Variants in SCTR observed in about 807,000 individuals in gnomAD.
The protein encoded by SCTR is secretin receptor, also known as pancreatic secretin receptor.
A neutral mutation model predicts 60.8 loss-of-function variants in SCTR; 56 were observed. That is an observed-to-expected ratio of 0.92 (90% CI 0.74 to 1.15). The LOEUF (loss-of-function observed/expected upper bound fraction) is 1.15, where lower values mean the gene tolerates loss of function less well. Ranked by LOEUF, SCTR falls within the 50% of genes most tolerant of loss-of-function variation. SCTR has a pLI of 0.00. For synonymous variants in SCTR, 202 were observed against 217.0 expected, an observed-to-expected ratio of 0.93 and a Z score of 0.61; for missense variants, 562 against 550.4, an observed-to-expected ratio of 1.02 and a Z score of -0.21.
At chr2:119,443,654 C>A (rs1043619164) in intron 11 of SCTR, among the ~76,000 whole-genome samples, 1 of 152,106 alleles carries the variant, frequency 6.6e-6, no homozygotes, top group African/African-American at 2.4e-5. Flanking sequence ...TCAAGCAATT[C>A]TCTTGCCTCA....
At chr2:119,448,583 TACA>T (rs1683020795) in intron 10 of SCTR, 103 bp downstream of exon 10, 2 of 712,722 alleles carry the variant, frequency 2.8e-6, no homozygotes, top group Admixed American at 2.2e-5. Context: ...CGACTAGGTC[TACA>T]ACGTTTCCTC....
At chr2:119,511,070 G>A (rs1678915178) in intron 1 of SCTR, among the ~76,000 whole-genome samples, 1 of 152,054 alleles carries the variant, frequency 6.6e-6, no homozygotes, top group African/African-American at 2.4e-5. Context: ...AGGCGTGATG[G>A]CGAGCACCTG....
rs771379302 is a variant in SCTR, at chr2:119,494,551, G to C, written c.73-3C>G. ...CATAGTCGGGGAAGGGCTCCAGTCT[G>C]CAAGTCCAAAACCAGGGATGCTCAT... is the stretch of plus-strand genomic sequence containing the variant. On this transcript the variant is annotated splice_region_variant and splice_polypyrimidine_tract_variant and intron_variant, in intron 1 of 12. Coordinates refer to ENST00000019103, the MANE Select transcript of SCTR (RefSeq NM_002980.3). 2 of 1,613,422 alleles carry C rather than the reference G, an allele frequency of 1.2e-6. No individual in the cohort carries two copies. The highest frequency in any genetic ancestry group is 8.5e-7 in the Non-Finnish European group (1 of 1,179,646).
chr2:119,481,547 G>A (rs1677601204), intron 2 of SCTR, among the ~76,000 whole-genome samples: 1 of 152,214 alleles, frequency 6.6e-6, no homozygotes, highest in Non-Finnish European at 1.5e-5. Flanking sequence ...CCTCACAGCT[G>A]AGGGTTCCTC....
At chr2:119,460,488 G>A (rs1311865014) in intron 7 of SCTR, among the ~76,000 whole-genome samples, 1 of 152,034 alleles carries the variant, frequency 6.6e-6, no homozygotes, top group Admixed American at 6.6e-5. Flanking sequence ...GTTAATGGCA[G>A]GGTAAAAGTT....
chr2:119,507,015 CA>C (rs890854658), intron 1 of SCTR, among the ~76,000 whole-genome samples: 20 of 152,154 alleles, frequency 1.3e-4, no homozygotes, highest in African/African-American at 4.8e-4. Flanking sequence ...AGAAACTGGG[CA>C]AAAGTTACAA....
At position 119,464,105 on chromosome 2, in the gene SCTR, G is replaced by A. The variant is rs1218614610; in HGVS notation, c.636+18C>T. On this transcript the variant is annotated intron_variant, in intron 6 of 12. Transcript: ENST00000019103. ...GCAGGCGGGCCTGGCGACATCCTGG[G>A]GCACCCAGACATATTACCCTGTGGG... 1 of 1,613,654 alleles carries A rather than the reference G, an allele frequency of 6.2e-7. No homozygotes were observed. Among genetic ancestry groups the A allele is most frequent in the African/African-American group, 1.3e-5 (1 of 74,916 alleles).
intron 1 of SCTR, among the ~76,000 whole-genome samples, chr2:119,497,838 G>A (rs928237583): frequency 6.6e-6 from 1 of 152,100 alleles, no homozygotes; most frequent in African/African-American, 2.4e-5. Flanking sequence ...ACAACAGAGA[G>A]AAAATAAACT....
intron 3 of SCTR, 21 bp from the exon 4 acceptor site, chr2:119,473,577 G>A (rs767934345): frequency 6.6e-7 from 1 of 1,521,026 alleles, no homozygotes; most frequent in South Asian, 1.1e-5. Context: ...CAAGAGTCCT[G>A]TAGGTGAGCC....
At chr2:119,498,076 A>T (rs1293304940) in intron 1 of SCTR, among the ~76,000 whole-genome samples, 3 of 152,184 alleles carry the variant, frequency 2.0e-5, no homozygotes, top group Non-Finnish European at 4.4e-5. Context: ...AGTCCACACC[A>T]AGGCACATTA....
intron 1 of SCTR, 145 bp downstream of exon 1, chr2:119,524,010 G>A (rs1679372321): frequency 1.5e-6 from 1 of 661,654 alleles, no homozygotes; most frequent in South Asian, 1.7e-5. Flanking sequence ...AGAGATTAAT[G>A]TTGGGAGGAT....
intron 2 of SCTR, among the ~76,000 whole-genome samples, chr2:119,487,574 A>G (rs1230711784): frequency 1.3e-5 from 2 of 152,158 alleles, no homozygotes; most frequent in African/African-American, 4.8e-5. Context: ...TCCTTCTGGA[A>G]CATTCTTCCC....
chr2:119,444,306 A>AAT (rs1553458705), intron 11 of SCTR, among the ~76,000 whole-genome samples: 7 of 12,214 alleles, frequency 5.7e-4, no homozygotes, highest in East Asian at 0.02. Flanking sequence ...TATACGTATG[A>AAT]ATATATACAC....
intron 2 of SCTR, among the ~76,000 whole-genome samples, chr2:119,488,709 G>A (rs1457164615): frequency 1.3e-5 from 2 of 152,218 alleles, no homozygotes; most frequent in Non-Finnish European, 2.9e-5. Context: ...CATGGCAGAG[G>A]TCAGCTTGGC....
chr2:119,522,345 AAGAC>A (rs1679314494), intron 1 of SCTR, among the ~76,000 whole-genome samples: 1 of 152,154 alleles, frequency 6.6e-6, no homozygotes. Flanking sequence ...AGGGGTATAA[AAGAC>A]AGAGCCCTGG....
rs377528415 is a variant in SCTR, at chr2:119,448,800, G to A, written c.922-20C>T. On this transcript the variant is annotated intron_variant, in intron 9 of 12. Transcript: ENST00000019103. ...ATTAATCTGCAAAACACAAGGCAGAGGTGGGGCTGAAGGCATCTTGCTTTT... is the reference window on the plus strand; with the variant it reads ...ATTAATCTGCAAAACACAAGGCAGAAGTGGGGCTGAAGGCATCTTGCTTTT... 7.1e-6 allele frequency: 10 copies of A among 1,417,800 alleles called. No homozygotes were observed. In the African/African-American group the frequency reaches 1.4e-4, roughly 20 times the overall value. The allele number at this position is 1,417,800 out of a possible 1,614,324, so 87.8% of individuals were successfully genotyped here.
At chr2:119,489,732 G>T (rs1427625019) in intron 2 of SCTR, among the ~76,000 whole-genome samples, 3 of 152,184 alleles carry the variant, frequency 2.0e-5, no homozygotes, top group Non-Finnish European at 4.4e-5. Flanking sequence ...AGGCAGGAAA[G>T]AAATGGACAG....
chr2:119,492,222 G>A (rs557404766), intron 2 of SCTR, among the ~76,000 whole-genome samples: 1 of 152,320 alleles, frequency 6.6e-6, no homozygotes, highest in Admixed American at 6.5e-5. Context: ...CTGGAATATG[G>A]CAACATCTTG....
rs761683109 is a variant in SCTR, at chr2:119,453,355, T to C, written c.791-8A>G. 18 of 1,611,172 alleles carry C rather than the reference T, an allele frequency of 1.1e-5. No individual in the cohort carries two copies. The South Asian group carries it at 1.9e-4, about 17-fold the overall frequency. On this transcript the variant is annotated splice_polypyrimidine_tract_variant and splice_region_variant and intron_variant, in intron 7 of 12. Coordinates refer to ENST00000019103, the MANE Select transcript of SCTR (RefSeq NM_002980.3). ...CAAAAATGGCTGGAGAACCTGAGGA[T>C]TAAAAACAAAGGGAGGGGCAGAAGA...
Sources: allele counts gnomAD v4.1 joint callset (sites outside exome capture counted in the v4.1 genomes callset), GRCh38; gene constraint gnomAD v4.1.1; transcripts MANE v1.5; gene names NCBI Gene and HGNC (gene_info 2026-07-23, HGNC 2026-07-21).